The following NAALADL2 variants were observed in gnomAD, a reference collection of about 807,000 sequenced individuals.
The protein encoded by NAALADL2 is inactive N-acetylated-alpha-linked acidic dipeptidase-like protein 2.
NAALADL2 carries 76 observed loss-of-function variants against 87.2 expected under a neutral mutation model. The observed-to-expected ratio is 0.87, with a 90% CI of 0.72 to 1.05. The LOEUF is 1.05. NAALADL2 is among the 50% of genes least tolerant of loss of function. NAALADL2 has a pLI of 0.00. For synonymous variants in NAALADL2, 354 were observed against 331.0 expected (o/e 1.07, Z -0.75); for missense variants, 1,089 against 945.8 (o/e 1.15, Z -1.99).
At chr3:175,141,870 C>T (rs756275798) in intron 2 of NAALADL2, among the ~76,000 whole-genome samples, 9 of 152,042 alleles carry the variant, frequency 5.9e-5, no homozygotes, top group Admixed American at 1.3e-4. Flanking sequence ...GTATTTTAAG[C>T]GCTGGCAGAG....
In NAALADL2 at chr3:175,732,348, A is replaced by G. The variant is rs558071195; in HGVS notation, c.1897-4958A>G. ...ACCCTTTTCTGTAAAGCAGAGAGAG[A>G]TGGGGAATTTAGACCATTCTTCTCA... On this transcript the variant is annotated intron_variant, in intron 11 of 13. Coordinates refer to ENST00000454872, the MANE Select transcript of NAALADL2 (RefSeq NM_207015.3). Among the ~76,000 whole-genome samples the G allele has an allele frequency of 5.3e-5, 8 of 152,284 alleles. No individual in the cohort carries two copies. The South Asian group carries it at 1.7e-3, about 32-fold the overall frequency.
At chr3:175,090,626 A>G (rs1176551928) in intron 1 of NAALADL2, among the ~76,000 whole-genome samples, 1 of 150,826 alleles carries the variant, frequency 6.6e-6, no homozygotes, top group East Asian at 2.0e-4. Context: ...CATTAATTTG[A>G]CATTCTATAA....
chr3:175,498,057 A>G (rs931691170), intron 9 of NAALADL2, among the ~76,000 whole-genome samples: 2 of 152,108 alleles, frequency 1.3e-5, no homozygotes, highest in Non-Finnish European at 2.9e-5. Flanking sequence ...GTTACTGAAG[A>G]ATGTATCAGA....
rs988290532 is a variant in NAALADL2, at chr3:175,485,710, G to T, written c.1653+13952G>T. ...TTTTCTAGCTACGCTGACAGCCACT[G>T]GATGGTGCCCATCCAGATTAAGGCT... On this transcript the variant is annotated intron_variant, in intron 9 of 13. Transcript: ENST00000454872. 2.6e-5 allele frequency among the ~76,000 whole-genome samples: 4 copies of T among 152,264 alleles called. No individual in the cohort carries two copies. In the East Asian group the frequency reaches 7.7e-4, roughly 29 times the overall value.
At chr3:175,649,116 A>G (rs927474604) in intron 11 of NAALADL2, among the ~76,000 whole-genome samples, 2 of 152,142 alleles carry the variant, frequency 1.3e-5, no homozygotes, top group Admixed American at 1.3e-4. Context: ...CTGCAGATGG[A>G]CCACAACTGC....
intron 10 of NAALADL2, among the ~76,000 whole-genome samples, chr3:175,597,902 T>A (rs1722452306): frequency 6.6e-6 from 1 of 151,986 alleles, no homozygotes; most frequent in Non-Finnish European, 1.5e-5. Context: ...AAATAAAAAA[T>A]TATGATATTT....
intron 2 of NAALADL2, among the ~76,000 whole-genome samples, chr3:174,642,874 G>A (rs589772): frequency 0.17 from 24,994 of 150,322 alleles, 2,154 homozygotes; most frequent in South Asian, 0.27. Flanking sequence ...CCTCAACCTC[G>A]TGGGCTCAAA....
chr3:175,585,100 T>C (rs1720351364), intron 10 of NAALADL2, among the ~76,000 whole-genome samples: 1 of 151,860 alleles, frequency 6.6e-6, no homozygotes, highest in Admixed American at 6.6e-5. Context: ...AAATATTTTC[T>C]TGTTTGCTAT....
intron 1 of NAALADL2, among the ~76,000 whole-genome samples, chr3:175,016,267 A>ATG (rs1750795335): frequency 1.4e-5 from 2 of 148,110 alleles, no homozygotes; most frequent in African/African-American, 4.9e-5. Flanking sequence ...ATTTATATAT[A>ATG]TATATATATA....
At chr3:174,934,857 G>GACATTTCAAAAGTTGAAAAGACTCACAAA (rs1737449221) in intron 1 of NAALADL2, among the ~76,000 whole-genome samples, 1 of 151,532 alleles carries the variant, frequency 6.6e-6, no homozygotes, top group African/African-American at 2.4e-5. Flanking sequence ...TATAGGATAC[G>GACATTTCAAAAGTTGAAAAGACTCACAAA]TTCAATCATT....
At chr3:174,719,255 T>A (rs1219776182) in intron 2 of NAALADL2, among the ~76,000 whole-genome samples, 1 of 152,220 alleles carries the variant, frequency 6.6e-6, no homozygotes, top group Non-Finnish European at 1.5e-5. Flanking sequence ...ACAGTTGACA[T>A]GCATCAACTT....
At chr3:174,445,231 T>A (rs1335448546) in intron 1 of NAALADL2, among the ~76,000 whole-genome samples, 2 of 152,110 alleles carry the variant, frequency 1.3e-5, no homozygotes, top group Non-Finnish European at 2.9e-5. Context: ...TACTGAATGC[T>A]TTTAGGTTGT....
chr3:175,382,003 A>G (rs926983995), intron 5 of NAALADL2, among the ~76,000 whole-genome samples: 1 of 152,174 alleles, frequency 6.6e-6, no homozygotes, highest in Non-Finnish European at 1.5e-5. Flanking sequence ...CTCTGGGACT[A>G]ACTGCTGTGT....
intron 9 of NAALADL2, among the ~76,000 whole-genome samples, chr3:175,490,479 C>T (rs931890356): frequency 4.0e-5 from 6 of 151,744 alleles, no homozygotes; most frequent in East Asian, 3.9e-4. Flanking sequence ...CTCTGCCTCC[C>T]GGGTTCACAC....
At chr3:175,341,205 C>G (rs990816634) in intron 5 of NAALADL2, among the ~76,000 whole-genome samples, 8 of 152,100 alleles carry the variant, frequency 5.3e-5, no homozygotes, top group Non-Finnish European at 8.8e-5. Flanking sequence ...TCACTGCTTT[C>G]TATAAATTCC....
intron 2 of NAALADL2, among the ~76,000 whole-genome samples, chr3:174,649,213 T>A (rs1724112158): frequency 6.6e-6 from 1 of 152,042 alleles, no homozygotes; most frequent in South Asian, 2.1e-4. Context: ...ATCACCTGCC[T>A]CGGCCTCTCA....
At chr3:175,494,480 C>A (rs975612626) in intron 9 of NAALADL2, among the ~76,000 whole-genome samples, 20 of 152,056 alleles carry the variant, frequency 1.3e-4, no homozygotes, top group Non-Finnish European at 2.4e-4. Flanking sequence ...CCTAGGGAGA[C>A]TTACAAACTT....
At chr3:174,497,391 C>T (rs553827223) in intron 1 of NAALADL2, among the ~76,000 whole-genome samples, 1 of 151,976 alleles carries the variant, frequency 6.6e-6, no homozygotes, top group East Asian at 1.9e-4. Context: ...CTTTGGGAGG[C>T]CAAGGATTAA....
chr3:174,595,562 A>G (rs1325038726), intron 2 of NAALADL2, among the ~76,000 whole-genome samples: 2 of 152,152 alleles, frequency 1.3e-5, no homozygotes, highest in Non-Finnish European at 2.9e-5. Flanking sequence ...ACCACTTCCT[A>G]TCAATCCTTT....
Sources: gnomAD v4.1 joint callset for allele counts (sites outside exome capture counted in the v4.1 genomes callset) on GRCh38, gnomAD v4.1.1 for gene constraint, MANE v1.5 for transcripts, NCBI Gene and HGNC (gene_info 2026-07-23, HGNC 2026-07-21) for gene names.